MMRN2: variants seen among roughly 807,000 people sequenced by gnomAD.
MMRN2 encodes the protein multimerin-2.
A neutral mutation model predicts 68.8 loss-of-function variants in MMRN2; 53 were observed. The observed-to-expected ratio is 0.77, with a 90% CI of 0.62 to 0.97. The LOEUF (loss-of-function observed/expected upper bound fraction) is 0.97. MMRN2 is among the 50% of genes least tolerant of loss of function. The probability of loss-of-function intolerance (pLI) is 0.00; values close to 1 mark genes in which losing one functional copy is unlikely to be tolerated. For synonymous variants in MMRN2, 564 were observed against 551.6 expected (o/e 1.02, Z -0.32); for missense variants, 1,266 against 1,259.5 (o/e 1.01, Z -0.08).
chr10:86,943,628 T>A lies in MMRN2; in HGVS notation c.1156A>T (p.Thr386Ser), dbSNP rs1345619293. ...LQRNLSELHM[T>S]TARREEELQY... is the part of the protein sequence containing the mutation. Reference sequence around the variant, plus strand: ...AACTCCTCCTCCCTGCGGGCCGTGGTCATGTGCAGCTCTGAGAGGTTCCTC... The same window carrying A: ...AACTCCTCCTCCCTGCGGGCCGTGGACATGTGCAGCTCTGAGAGGTTCCTC... The change falls in exon 6 of 7, where the codon ACC becomes TCC. Residue 386 changes from threonine to serine, a missense_variant. By Grantham distance (58) the Thr-to-Ser change is moderately conservative. Coordinates refer to ENST00000372027, the MANE Select transcript of MMRN2 (RefSeq NM_024756.3). This position sits in a 1 kb window ranked among gnomAD's most constrained non-coding sequence, Gnocchi z 4.2. The A allele has an allele frequency of 1.2e-6, 2 of 1,613,564 alleles. No homozygotes were observed. The highest frequency in any genetic ancestry group is 1.7e-6 in the Non-Finnish European group (2 of 1,180,002).
intron 1 of MMRN2, among the ~76,000 whole-genome samples, chr10:86,956,035 C>T (rs1844219647): frequency 6.6e-6 from 1 of 152,150 alleles, no homozygotes. Context: ...ACCGGGTCCT[C>T]TCATCCTCCC....
At chr10:86,941,372 T>C (rs549896184) in intron 6 of MMRN2, among the ~76,000 whole-genome samples, 2 of 152,260 alleles carry the variant, frequency 1.3e-5, no homozygotes, top group South Asian at 4.1e-4. Context: ...CAGTAAGAGA[T>C]TGACAATAAT....
chr10:86,950,068 C>T (rs577396985), intron 1 of MMRN2, among the ~76,000 whole-genome samples: 120 of 149,788 alleles, frequency 8.0e-4, no homozygotes, highest in African/African-American at 2.7e-3. Context: ...AAAAAGAGGC[C>T]GGGTACGGTG....
In MMRN2 at chr10:86,937,073, C is replaced by G; in HGVS notation, c.2520G>C (p.Gln840His). The change falls in exon 7 of 7, where the codon CAG becomes CAC. Residue 840 changes from glutamine to histidine, a missense_variant. By Grantham distance (24) the Gln-to-His change is conservative (BLOSUM62 0). Coordinates refer to ENST00000372027, the MANE Select transcript of MMRN2 (RefSeq NM_024756.3). ...TGTATGTGGTGTTGAACTTCACTGT[C>G]TGCAGGGCAGCCGTCCCTTCTGAAA... The part of the protein sequence containing the change: ...ASFSEGTAAL[Q>H]TVKFNTTYIN... 1 of 1,614,246 alleles carries G rather than the reference C, an allele frequency of 6.2e-7. No individual in the cohort carries two copies. Among genetic ancestry groups the G allele is most frequent in the Non-Finnish European group, 8.5e-7 (1 of 1,180,046 alleles).
chr10:86,942,497 C>G lies in MMRN2; in HGVS notation c.2287G>C (p.Glu763Gln). The change falls in exon 6 of 7, where the codon GAA becomes CAA. Residue 763 changes from glutamate to glutamine, a missense_variant. Glu to Gln is a conservative substitution (Grantham distance 29, BLOSUM62 2). Coordinates refer to ENST00000372027, the MANE Select transcript of MMRN2 (RefSeq NM_024756.3). Reference protein sequence around the residue: ...SLFGNFQGLMEANVSLDLGKL... With the variant: ...SLFGNFQGLMQANVSLDLGKL... Reference sequence around the variant, plus strand: ...CCCAGGTCCAGGCTGACGTTGGCTTCCATGAGCCCTTGGAAGTTCCCAAAG... The same window carrying G: ...CCCAGGTCCAGGCTGACGTTGGCTTGCATGAGCCCTTGGAAGTTCCCAAAG... The G allele has an allele frequency of 6.2e-7, 1 of 1,614,092 alleles. No homozygotes were observed. Among genetic ancestry groups the G allele is most frequent in the Non-Finnish European group, 8.5e-7 (1 of 1,180,018 alleles).
At position 86,944,441 on chromosome 10, in the gene MMRN2, T is replaced by A; in HGVS notation, c.482-6A>T. On this transcript the variant is annotated splice_region_variant and splice_polypyrimidine_tract_variant and intron_variant, in intron 4 of 6. Coordinates refer to ENST00000372027, the MANE Select transcript of MMRN2 (RefSeq NM_024756.3). Reference sequence around the variant, plus strand: ...GATCACTGCAGCAAGGTGGCCTAAATACACAGCAGACATAAATGTCAAGGG... The same window carrying A: ...GATCACTGCAGCAAGGTGGCCTAAAAACACAGCAGACATAAATGTCAAGGG... 1.2e-6 allele frequency: 2 copies of A among 1,613,212 alleles called. No homozygotes were observed. The highest frequency in any genetic ancestry group is 1.7e-6 in the Non-Finnish European group (2 of 1,179,936).
chr10:86,956,612 G>A (rs921965301), intron 1 of MMRN2, among the ~76,000 whole-genome samples: 1 of 152,212 alleles, frequency 6.6e-6, no homozygotes, highest in African/African-American at 2.4e-5. Context: ...GTGTGGCCTT[G>A]GGCAAGCCCC....
At chr10:86,948,414 T>C (rs1182394434) in intron 1 of MMRN2, among the ~76,000 whole-genome samples, 1 of 149,870 alleles carries the variant, frequency 6.7e-6, no homozygotes, top group African/African-American at 2.5e-5. Flanking sequence ...GAGGGGGAGA[T>C]GGGAGAGGAA....
Position 86,945,602 on chromosome 10 carries a change from C to T in MMRN2, c.252G>A (p.Pro84=), listed in dbSNP as rs34306012. ...GGCAGTCTGGAGCTCCCTGCGGACACGGCTGCTGCGAGTGGATGAGGAATT... is the reference window on the plus strand; with the variant it reads ...GGCAGTCTGGAGCTCCCTGCGGACATGGCTGCTGCGAGTGGATGAGGAATT... ...TEKFLIHSQQ[P]CPQGAPDCQK... is the part of the protein sequence containing the mutation. Residue 84 remains proline (P), a synonymous_variant, in exon 2 of 7, where the codon CCG becomes CCA. Coordinates refer to ENST00000372027, the MANE Select transcript of MMRN2 (RefSeq NM_024756.3). The T allele has an allele frequency of 2.7e-3, 4,324 of 1,611,014 alleles. 84 individuals are homozygous for T. In the African/African-American group the frequency reaches 0.048, roughly 18 times the overall value.
chr10:86,956,398 T>C (rs1353990533), intron 1 of MMRN2, among the ~76,000 whole-genome samples: 1 of 152,208 alleles, frequency 6.6e-6, no homozygotes, highest in Non-Finnish European at 1.5e-5. Context: ...CGCTCTGCGA[T>C]GGTGGCTCTC....
intron 1 of MMRN2, among the ~76,000 whole-genome samples, chr10:86,947,997 G>C (rs745342924): frequency 6.6e-6 from 1 of 152,144 alleles, no homozygotes; most frequent in Non-Finnish European, 1.5e-5. Flanking sequence ...ACTTTGGGAG[G>C]CTGAGGTGGG....
At chr10:86,944,570 G>A (rs982700986) in intron 4 of MMRN2, 135 bp from the exon 5 acceptor site, 1 of 951,462 alleles carries the variant, frequency 1.1e-6, no homozygotes, top group Non-Finnish European at 1.6e-6. Context: ...GAGCTTAGAA[G>A]CCTTAAACCC....
rs1356588143 is a variant in MMRN2 at position 86,945,065 on chromosome 10, G to T, written c.481+123C>A. On this transcript the variant is annotated intron_variant, in intron 4 of 6. Coordinates refer to ENST00000372027, the MANE Select transcript of MMRN2 (RefSeq NM_024756.3). The stretch of plus-strand genomic sequence containing the variant: ...GGAGGTGGTACAGGCCACAGAGCAG[G>T]CCTTGCTGATTCTGGAGGCAAGGTT... 4.9e-6 allele frequency: 4 copies of T among 820,564 alleles called. No homozygotes were observed. The Admixed American group carries it at 6.6e-5, about 13-fold the overall frequency. 50.8% of individuals were successfully genotyped at this position (820,564 alleles called of 1,614,324 possible). A position where few individuals can be genotyped will look rare whatever the true frequency, so the allele number is the denominator to read the frequency against.
chr10:86,949,386 T>C (rs532251935), intron 1 of MMRN2: 2 of 152,156 alleles, frequency 1.3e-5, no homozygotes, highest in African/African-American at 4.8e-5. Flanking sequence ...TGGTTTGAAA[T>C]ATTGCCTGCA....
chr10:86,943,834 G>T lies in MMRN2; in HGVS notation c.950C>A (p.Ala317Asp). Reference protein sequence around the residue: ...LRQDVEDRLHAQHFTLHRSIS... With the variant: ...LRQDVEDRLHDQHFTLHRSIS... ...CGAGCGGTGCAGGGTAAAGTGCTGG[G>T]CGTGCAGGCGGTCCTCCACGTCCTG... is the stretch of plus-strand genomic sequence containing the variant. The change falls in exon 6 of 7, where the codon GCC becomes GAC. Residue 317 changes from alanine to aspartate, a missense_variant. Coordinates refer to ENST00000372027, the MANE Select transcript of MMRN2 (RefSeq NM_024756.3). This position sits in a 1 kb window ranked among gnomAD's most constrained non-coding sequence, Gnocchi z 4.2. 1 of 1,612,602 alleles carries T rather than the reference G, an allele frequency of 6.2e-7. No homozygotes were observed. The highest frequency in any genetic ancestry group is 8.5e-7 in the Non-Finnish European group (1 of 1,180,006).
rs1362603317 is a variant in MMRN2 at position 86,942,504 on chromosome 10, C to G, written c.2280G>C (p.Gly760=). The G allele has an allele frequency of 1.9e-6, 3 of 1,613,912 alleles. No individual in the cohort carries two copies. Among genetic ancestry groups the G allele is most frequent in the Non-Finnish European group, 2.5e-6 (3 of 1,180,022 alleles). Residue 760 remains glycine, a synonymous_variant, in exon 6 of 7, where the codon GGG becomes GGC. Transcript: ENST00000372027. The part of the protein sequence containing the change: ...LFHSLFGNFQ[G]LMEANVSLDL... ...CCAGGCTGACGTTGGCTTCCATGAG[C>G]CCTTGGAAGTTCCCAAAGAGGCTGT...
chr10:86,939,673 C>CG (rs1420999199), intron 6 of MMRN2, among the ~76,000 whole-genome samples: 2 of 151,728 alleles, frequency 1.3e-5, no homozygotes, highest in African/African-American at 2.4e-5. Context: ...AGAGAGACCC[C>CG]CACCCCAACC....
At chr10:86,945,761 C>A (rs906534886) in intron 1 of MMRN2, 72 bp from the exon 2 acceptor site, 3 of 1,604,990 alleles carry the variant, frequency 1.9e-6, no homozygotes, top group Non-Finnish European at 2.6e-6. Flanking sequence ...TGCAGAGCCA[C>A]CGGTCCTCGC....
rs114363221 is a variant in MMRN2 at position 86,951,248 on chromosome 10, T to C, written c.165-5559A>G. The stretch of plus-strand genomic sequence containing the variant: ...CTTCTGACTGTCTCAACAAGCCTTA[T>C]AGAACCAGTTGACTCCTAATCAGGA... On this transcript the variant is annotated intron_variant, in intron 1 of 6. Coordinates refer to ENST00000372027, the MANE Select transcript of MMRN2 (RefSeq NM_024756.3). Among the ~76,000 whole-genome samples the C allele has an allele frequency of 8.1e-3, 1,237 of 152,358 alleles. 15 individuals carry two copies. Among genetic ancestry groups the C allele is most frequent in the African/African-American group, 0.027 (1,117 of 41,572 alleles).
Sources: allele counts gnomAD v4.1 joint callset (sites outside exome capture counted in the v4.1 genomes callset), GRCh38; gene constraint gnomAD v4.1.1; non-coding constraint Gnocchi (gnomAD v3.1); transcripts MANE v1.5; gene names NCBI Gene and HGNC (gene_info 2026-07-23, HGNC 2026-07-21).